The following PCDH9 variants were observed in gnomAD, a reference collection of about 807,000 sequenced individuals.
PCDH9 encodes the protein protocadherin-9.
Under a neutral mutation model 70.6 loss-of-function variants are expected in PCDH9, and 24 were observed. The observed-to-expected ratio is 0.34, with a 90% CI of 0.25 to 0.48. PCDH9 has a LOEUF of 0.48. Among genes scored for constraint, PCDH9 ranks in the 20% least tolerant of loss-of-function variants. The pLI, the probability that PCDH9 is intolerant of heterozygous loss-of-function variation, is 0.99. For missense variants in PCDH9, 1,281 were observed against 1,503.6 expected (o/e 0.85, Z 2.45); for synonymous variants, 562 against 558.5 (o/e 1.01, Z -0.09).
At chr13:67,041,861 C>T (rs189221041) in intron 2 of PCDH9, among the ~76,000 whole-genome samples, 2 of 151,352 alleles carry the variant, frequency 1.3e-5, no homozygotes, top group East Asian at 1.9e-4. Context: ...AAAAGAAATA[C>T]TGGCTATCCC....
chr13:67,007,840 G>A (rs9540969), intron 2 of PCDH9, among the ~76,000 whole-genome samples: 14,309 of 152,044 alleles, frequency 0.094, 757 homozygotes, highest in Non-Finnish European at 0.12. Flanking sequence ...AGAGTGGTTG[G>A]GGTATTCGTG....
intron 3 of PCDH9, among the ~76,000 whole-genome samples, chr13:66,748,929 C>T (rs1028091151): frequency 6.6e-6 from 1 of 152,030 alleles, no homozygotes; most frequent in African/African-American, 2.4e-5. Flanking sequence ...GGGGGAAGTC[C>T]CCCACCCCAT....
At chr13:66,608,502 T>C (rs1441865694) in intron 4 of PCDH9, among the ~76,000 whole-genome samples, 1 of 152,172 alleles carries the variant, frequency 6.6e-6, no homozygotes, top group Non-Finnish European at 1.5e-5. Flanking sequence ...GGCAGCATTA[T>C]AGTTAACATT....
intron 4 of PCDH9, among the ~76,000 whole-genome samples, chr13:66,322,380 G>A (rs17501046): frequency 0.14 from 21,564 of 151,862 alleles, 2,000 homozygotes; most frequent in Non-Finnish European, 0.2. Flanking sequence ...TACTGCCTAC[G>A]TGTTTAAAGA....
At chr13:66,710,452 GAT>G (rs1297966584) in intron 3 of PCDH9, among the ~76,000 whole-genome samples, 1 of 152,112 alleles carries the variant, frequency 6.6e-6, no homozygotes, top group South Asian at 2.1e-4. Context: ...TACTATGAAA[GAT>G]ATGTTTTCCA....
Position 66,405,138 on chromosome 13 carries a change from GTCCATT to G in PCDH9, c.3341-100116_3341-100111del, listed in dbSNP as rs1195115458. Among the ~76,000 whole-genome samples the G allele has an allele frequency of 3.3e-5, 5 of 152,128 alleles. No homozygotes were observed. The East Asian group carries it at 9.7e-4, about 29-fold the overall frequency. On this transcript the variant is annotated intron_variant, in intron 4 of 4. Transcript: ENST00000377865. Reference sequence around the variant, plus strand: ...CACATAACACAGATAGTTACTTTTTGTCCATTTCCATTTGCTCTATTTTTTTCTTTC... The same window carrying G: ...CACATAACACAGATAGTTACTTTTTGTCCATTTGCTCTATTTTTTTCTTTC...
intron 4 of PCDH9, among the ~76,000 whole-genome samples, chr13:66,594,862 C>T (rs1010831835): frequency 1.3e-5 from 2 of 151,370 alleles, no homozygotes; most frequent in Non-Finnish European, 3.0e-5. Flanking sequence ...TAGTATTCCA[C>T]AGTGTTGATT....
intron 2 of PCDH9, among the ~76,000 whole-genome samples, chr13:67,027,102 G>T (rs960086629): frequency 3.3e-5 from 5 of 151,898 alleles, no homozygotes; most frequent in Admixed American, 2.0e-4. Flanking sequence ...AGCCCGCATT[G>T]CCAAGTCAAT....
chr13:67,225,706 T>C lies in PCDH9; in HGVS notation c.2735A>G (p.Glu912Gly). ...CCAGTCAAATCTTCCTATACTTTGCTCCTCCAGTTCAGCCGGCAGGCTTAT... is the reference window on the plus strand; with the variant it reads ...CCAGTCAAATCTTCCTATACTTTGCCCCTCCAGTTCAGCCGGCAGGCTTAT... ...GTISLPAELEEQSIGRFDWGP... is the reference protein window; with the variant it reads ...GTISLPAELEGQSIGRFDWGP... The change falls in exon 2 of 5, where the codon GAG becomes GGG. Residue 912 changes from glutamate to glycine, a missense_variant. This residue lies in a region of PCDH9 where 207 missense variants were observed against 191.8 expected (regional missense o/e 1.08). Coordinates refer to ENST00000377865, the MANE Select transcript of PCDH9 (RefSeq NM_203487.3). The C allele has an allele frequency of 6.2e-7, 1 of 1,614,176 alleles. No homozygotes were observed. Among genetic ancestry groups the C allele is most frequent in the Non-Finnish European group, 8.5e-7 (1 of 1,180,010 alleles).
chr13:66,798,817 G>GT (rs34941327), intron 3 of PCDH9, among the ~76,000 whole-genome samples: 2,442 of 150,668 alleles, frequency 0.016, 80 homozygotes, highest in African/African-American at 0.056. Context: ...CCTGTTCCTC[G>GT]TTTTTTTTTT....
At chr13:66,328,859 C>G (rs547351402) in intron 4 of PCDH9, among the ~76,000 whole-genome samples, 1 of 152,158 alleles carries the variant, frequency 6.6e-6, no homozygotes, top group East Asian at 1.9e-4. Flanking sequence ...TCCCTAAGAG[C>G]TGAACATTCA....
chr13:66,740,208 A>C (rs2139198456), intron 3 of PCDH9, among the ~76,000 whole-genome samples: 1 of 142,880 alleles, frequency 7.0e-6, no homozygotes, highest in Non-Finnish European at 1.5e-5. Flanking sequence ...GCTCAACTAC[A>C]TGGAAACTGA....
At chr13:66,583,137 G>T in intron 4 of PCDH9, among the ~76,000 whole-genome samples, 1 of 149,070 alleles carries the variant, frequency 6.7e-6, no homozygotes. Context: ...GTTCATTTTG[G>T]CGTCATGAAC....
intron 2 of PCDH9, among the ~76,000 whole-genome samples, chr13:67,108,469 C>T (rs1415830965): frequency 2.0e-5 from 3 of 152,188 alleles, no homozygotes; most frequent in Non-Finnish European, 2.9e-5. Context: ...TTAAAAAACT[C>T]ATGACAAAGC....
intron 3 of PCDH9, among the ~76,000 whole-genome samples, chr13:66,874,915 G>GTGTGTA (rs760196919): frequency 2.2e-4 from 10 of 46,338 alleles, no homozygotes; most frequent in Non-Finnish European, 4.4e-4. Context: ...AAAAGCAGCA[G>GTGTGTA]TGTGTGTGTG....
chr13:67,063,655 C>T (rs1022810101), intron 2 of PCDH9, among the ~76,000 whole-genome samples: 4 of 151,980 alleles, frequency 2.6e-5, no homozygotes, highest in Non-Finnish European at 5.9e-5. Context: ...AAAACAATAG[C>T]AAAATGCCTG....
chr13:67,216,414 G>A (rs2089602335), intron 2 of PCDH9: 1 of 151,794 alleles, frequency 6.6e-6, no homozygotes, highest in South Asian at 2.1e-4. Flanking sequence ...GGCAAAAAAT[G>A]ATGATTTTGT....
chr13:66,502,748 G>T (rs1249731193), intron 4 of PCDH9, among the ~76,000 whole-genome samples: 2 of 152,164 alleles, frequency 1.3e-5, no homozygotes, highest in African/African-American at 4.8e-5. Flanking sequence ...TGCTTTTTAA[G>T]TTAATTTGTT....
intron 2 of PCDH9, among the ~76,000 whole-genome samples, chr13:66,997,715 A>G (rs1005618598): frequency 6.6e-6 from 1 of 151,996 alleles, no homozygotes; most frequent in Admixed American, 6.6e-5. Context: ...TTGTATTTTT[A>G]GTAGAGACGG....
Sources: allele counts gnomAD v4.1 joint callset (sites outside exome capture counted in the v4.1 genomes callset), GRCh38; gene constraint gnomAD v4.1.1; regional missense constraint gnomAD v4.1.1; transcripts MANE v1.5; gene names NCBI Gene and HGNC (gene_info 2026-07-23, HGNC 2026-07-21).